HDLBP: variants seen among roughly 807,000 people sequenced by gnomAD.
The protein encoded by HDLBP is vigilin.
In HDLBP, 30 loss-of-function variants were observed where a neutral mutation model predicts 137.3. The ratio of observed to expected loss-of-function variants is 0.22; its 90% CI spans 0.16 to 0.30. The LOEUF (loss-of-function observed/expected upper bound fraction) is 0.30. HDLBP is among the 10% of genes least tolerant of loss of function. The pLI is 1.00. For synonymous variants in HDLBP, 606 were observed against 596.0 expected, an observed-to-expected ratio of 1.02 and a Z score of -0.24; for missense variants, 1,119 against 1,667.3, an observed-to-expected ratio of 0.67 and a Z score of 5.73.
intron 1 of HDLBP, among the ~76,000 whole-genome samples, chr2:241,287,088 G>A (rs1005743642): frequency 1.3e-4 from 20 of 152,208 alleles, no homozygotes; most frequent in Non-Finnish European, 2.2e-4. Context: ...CATACACCCA[G>A]TGTCAGTGAA....
rs1288131709 is a variant in HDLBP, at chr2:241,273,349, T to G, written c.-102-4808A>C. 5 of 638,328 alleles carry G rather than the reference T, an allele frequency of 7.8e-6. No individual in the cohort carries two copies. The East Asian group carries it at 6.9e-4, about 89-fold the overall frequency. The allele number at this position is 638,328 out of a possible 1,614,324, so 39.5% of individuals were successfully genotyped here. ...CCCGATTCCTTGGCAATCAACTTAA[T>G]CTCCCCCCCAAAATGTAAAATCCCC... On this transcript the variant is annotated intron_variant, in intron 1 of 27. Transcript: ENST00000310931.
intron 24 of HDLBP, among the ~76,000 whole-genome samples, chr2:241,232,061 G>C (rs1282197094): frequency 6.6e-6 from 1 of 152,158 alleles, no homozygotes; most frequent in African/African-American, 2.4e-5. Flanking sequence ...CTTCTGTCCA[G>C]ATTGAAGCAA....
At chr2:241,251,468 A>G (rs543630234) in intron 11 of HDLBP, among the ~76,000 whole-genome samples, 75 of 152,314 alleles carry the variant, frequency 4.9e-4, no homozygotes, top group African/African-American at 1.8e-3. Context: ...ATGTTTACTC[A>G]TAACAAAAAC....
chr2:241,261,394 T>C (rs2073167316), intron 5 of HDLBP, among the ~76,000 whole-genome samples: 1 of 152,126 alleles, frequency 6.6e-6, no homozygotes, highest in African/African-American at 2.4e-5. Context: ...GAAACCACTA[T>C]CAATATGATT....
chr2:241,253,431 C>T lies in HDLBP; in HGVS notation c.1255G>A (p.Val419Met). The T allele has an allele frequency of 1.2e-6, 2 of 1,613,486 alleles. No homozygotes were observed. Among genetic ancestry groups the T allele is most frequent in the African/African-American group, 1.3e-5 (1 of 75,046 alleles). Residue 419 changes from valine (V) to methionine (M), a missense_variant, in exon 10 of 28, where the codon GTG becomes ATG. Physicochemically the swap from Val to Met is conservative, Grantham distance 21 (BLOSUM62 1). Transcript: ENST00000310931. ...TLEGPTEDVNVAQEQIEGMVK... is the reference protein window; with the variant it reads ...TLEGPTEDVNMAQEQIEGMVK... ...ATGCCTTCTATCTGTTCCTGGGCCA[C>T]ATTGACATCCTCTGTAGGGCCCTCC...
intron 1 of HDLBP, among the ~76,000 whole-genome samples, chr2:241,291,681 G>A (rs923670910): frequency 1.3e-5 from 2 of 152,200 alleles, no homozygotes; most frequent in African/African-American, 4.8e-5. Flanking sequence ...ATTGTCAGCT[G>A]TAGGCTGAAC....
At position 241,227,989 on chromosome 2, in the gene HDLBP, C is replaced by T. The variant is rs1403808477; in HGVS notation, c.*1612G>A. Reference sequence around the variant, plus strand: ...TACCATTCCTGTAAACAGGCCCATTCAGGGCTGCCTGAGCAAATGGGGACT... The same window carrying T: ...TACCATTCCTGTAAACAGGCCCATTTAGGGCTGCCTGAGCAAATGGGGACT... On this transcript the variant is annotated 3_prime_UTR_variant, in exon 28 of 28. Coordinates refer to ENST00000310931, the MANE Select transcript of HDLBP (RefSeq NM_005336.6). The T allele has an allele frequency of 6.6e-6, 1 of 152,268 alleles. No individual in the cohort carries two copies. The highest frequency in any genetic ancestry group is 2.1e-4 in the South Asian group (1 of 4,834). The allele number at this position is 152,268 out of a possible 1,614,324, so 9.4% of individuals were successfully genotyped here. A position where few individuals can be genotyped will look rare whatever the true frequency, so the allele number is the denominator to read the frequency against.
Position 241,262,806 on chromosome 2 carries a change from A to G in HDLBP, c.355T>C (p.Leu119=). Residue 119 remains leucine (L), a synonymous_variant, in exon 5 of 28, where the codon TTG becomes CTG. Transcript: ENST00000310931. ...ATGGAGAGGCCTTGGTCTTTGGCCA[A>G]AGACAGCTCCAAGTGAGCACCAGTT... is the stretch of plus-strand genomic sequence containing the variant. ...QRTGAHLELS[L]AKDQGLSIMV... 1.2e-6 allele frequency: 2 copies of G among 1,614,188 alleles called. No individual in the cohort carries two copies. Among genetic ancestry groups the G allele is most frequent in the South Asian group, 2.2e-5 (2 of 91,086 alleles).
chr2:241,290,596 A>C (rs1324102886), intron 1 of HDLBP, among the ~76,000 whole-genome samples: 1 of 148,014 alleles, frequency 6.8e-6, no homozygotes, highest in East Asian at 2.0e-4. Context: ...GGCAACAAGA[A>C]CAAAACTCTG....
At chr2:241,234,793 T>C (rs1470510094) in intron 23 of HDLBP, among the ~76,000 whole-genome samples, 1 of 152,238 alleles carries the variant, frequency 6.6e-6, no homozygotes, top group Non-Finnish European at 1.5e-5. Context: ...TCGTCCTCAC[T>C]GCATAGCACA....
intron 1 of HDLBP, among the ~76,000 whole-genome samples, chr2:241,291,877 G>A (rs2075022879): frequency 6.6e-6 from 1 of 152,130 alleles, no homozygotes; most frequent in Non-Finnish European, 1.5e-5. Flanking sequence ...TGGCTGCCAC[G>A]AGCTGGAAAA....
chr2:241,252,161 C>A (rs1054872127), intron 11 of HDLBP, among the ~76,000 whole-genome samples: 1 of 152,148 alleles, frequency 6.6e-6, no homozygotes, highest in African/African-American at 2.4e-5. Context: ...CAACCTGGCA[C>A]AGGTGAGGCA....
rs751676647 is a variant in HDLBP, at chr2:241,255,183, G to A, written c.1081-25C>T. 27 of 1,600,032 alleles carry A rather than the reference G, an allele frequency of 1.7e-5. No homozygotes were observed. The East Asian group carries it at 6.0e-4, about 36-fold the overall frequency. ...CCTAAGAAAATGGGAGAACAGCCAT[G>A]GGTTTGCAGAGCTCAAGGTCGTGTC... On this transcript the variant is annotated intron_variant, in intron 8 of 27. Coordinates refer to ENST00000310931, the MANE Select transcript of HDLBP (RefSeq NM_005336.6).
intron 1 of HDLBP, among the ~76,000 whole-genome samples, chr2:241,284,630 T>G (rs111274471): frequency 0.016 from 2,481 of 152,318 alleles, 44 homozygotes; most frequent in African/African-American, 0.044. Context: ...ATTCTGAAAG[T>G]AGTTCTATTG....
chr2:241,271,032 T>TA, intron 1 of HDLBP: 1 of 985,410 alleles, frequency 1.0e-6, no homozygotes, highest in Non-Finnish European at 1.2e-6. Flanking sequence ...TGCATGGCTG[T>TA]AAACGCTCCA....
In HDLBP at chr2:241,235,016, A is replaced by G. The variant is rs1385792295; in HGVS notation, c.3144+105T>C. 14 of 1,390,006 alleles carry G rather than the reference A, an allele frequency of 1.0e-5. No individual in the cohort carries two copies. In the East Asian group the frequency reaches 2.4e-4, roughly 24 times the overall value. 86.1% of individuals were successfully genotyped at this position (1,390,006 alleles called of 1,614,324 possible). A position where few individuals can be genotyped will look rare whatever the true frequency, so the allele number is the denominator to read the frequency against. ...CTGCCTGCATCTCACCTCCAGCCAGATGTCGCTGGGATGCTGGGATCCTGA... is the reference window on the plus strand; with the variant it reads ...CTGCCTGCATCTCACCTCCAGCCAGGTGTCGCTGGGATGCTGGGATCCTGA... On this transcript the variant is annotated intron_variant, in intron 23 of 27. Coordinates refer to ENST00000310931, the MANE Select transcript of HDLBP (RefSeq NM_005336.6).
chr2:241,237,492 G>T (rs2070687715), intron 20 of HDLBP, among the ~76,000 whole-genome samples: 1 of 152,204 alleles, frequency 6.6e-6, no homozygotes, highest in African/African-American at 2.4e-5. Flanking sequence ...ATGAGCAGGA[G>T]ACCAGACAGA....
At chr2:241,289,765 A>G (rs751977087) in intron 1 of HDLBP, among the ~76,000 whole-genome samples, 2 of 152,192 alleles carry the variant, frequency 1.3e-5, no homozygotes, top group Non-Finnish European at 2.9e-5. Context: ...GGATCAGAAT[A>G]GCAGAATGGC....
intron 16 of HDLBP, among the ~76,000 whole-genome samples, chr2:241,244,298 G>T (rs778450140): frequency 2.0e-5 from 3 of 152,196 alleles, no homozygotes; most frequent in Non-Finnish European, 4.4e-5. Context: ...AATGCTCATA[G>T]TGACCAAAAA....
Sources: gnomAD v4.1 joint callset for allele counts (sites outside exome capture counted in the v4.1 genomes callset) on GRCh38, gnomAD v4.1.1 for gene constraint, MANE v1.5 for transcripts, NCBI Gene and HGNC (gene_info 2026-07-23, HGNC 2026-07-21) for gene names.